The following LRP8 variants were observed in gnomAD, a reference collection of about 807,000 sequenced individuals.
LRP8 encodes low-density lipoprotein receptor-related protein 8.
LRP8 carries 46 observed loss-of-function variants against 111.6 expected under a neutral mutation model. The observed-to-expected ratio is 0.41, with a 90% CI of 0.33 to 0.53. The LOEUF (loss-of-function observed/expected upper bound fraction) is 0.53. Among genes scored for constraint, LRP8 ranks in the 20% least tolerant of loss-of-function variants. The pLI is 0.20. For missense variants in LRP8, 959 were observed against 1,297.4 expected, an observed-to-expected ratio of 0.74 and a Z score of 4.01; for synonymous variants, 464 against 511.2, an observed-to-expected ratio of 0.91 and a Z score of 1.24.
rs1352066284 is a variant in LRP8 at position 53,262,094 on chromosome 1, G to A, written c.1888C>T (p.His630Tyr). 6 of 1,614,214 alleles carry A rather than the reference G, an allele frequency of 3.7e-6. No homozygotes were observed. Among genetic ancestry groups the A allele is most frequent in the Non-Finnish European group, 5.1e-6 (6 of 1,180,032 alleles). ...TLISSTDFLS[H>Y]PFGIAVFEDK... ...TCAAACACAGCTATCCCAAAAGGGT[G>A]GCTCAGGAAGTCAGTGGAGGAGATC... The change falls in exon 12 of 19, where the codon CAC becomes TAC. Residue 630 changes from histidine (H) to tyrosine (Y), a missense_variant. Physicochemically the swap from His to Tyr is moderately conservative, Grantham distance 83. Around this residue, in one of 3 missense-constraint regions of LRP8, gnomAD observed 819 missense variants for 1,097.6 expected, o/e 0.75. Coordinates refer to ENST00000306052, the MANE Select transcript of LRP8 (RefSeq NM_004631.5). The surrounding 1 kb of genome is among the most constrained non-coding windows in gnomAD (Gnocchi z 4.8).
chr1:53,287,860 G>A (rs917773905), intron 3 of LRP8, among the ~76,000 whole-genome samples: 4 of 152,080 alleles, frequency 2.6e-5, no homozygotes, highest in Non-Finnish European at 1.5e-5. Flanking sequence ...ATGGTGAGAG[G>A]GAGGGTGAGG....
At chr1:53,315,527 G>A (rs1402049036) in intron 2 of LRP8, among the ~76,000 whole-genome samples, 1 of 152,168 alleles carries the variant, frequency 6.6e-6, no homozygotes, top group Non-Finnish European at 1.5e-5. Flanking sequence ...ATTTGCTTAG[G>A]GCCCCACATC....
rs755187376 is a variant in LRP8 at position 53,326,959 on chromosome 1, T to G, written c.158A>C (p.Gln53Pro). The stretch of plus-strand genomic sequence containing the variant: ...GGGGATGCAGCGCTCGTTCCGGCAC[T>G]GGAATTGGTCCTTTTCGCAATCCTT... ...PAKDCEKDQF[Q>P]CRNERCIPSV... The change falls in exon 2 of 19, where the codon CAG becomes CCG. Residue 53 changes from glutamine (Q) to proline (P), a missense_variant. By Grantham distance (76) the Gln-to-Pro change is moderately conservative (BLOSUM62 -1). Coordinates refer to ENST00000306052, the MANE Select transcript of LRP8 (RefSeq NM_004631.5). 3 of 1,613,668 alleles carry G rather than the reference T, an allele frequency of 1.9e-6. No individual in the cohort carries two copies. Among genetic ancestry groups the G allele is most frequent in the Non-Finnish European group, 2.5e-6 (3 of 1,179,972 alleles).
At chr1:53,285,034 G>A (rs1647343790) in intron 3 of LRP8, among the ~76,000 whole-genome samples, 1 of 152,188 alleles carries the variant, frequency 6.6e-6, no homozygotes, top group African/African-American at 2.4e-5. Flanking sequence ...CCCAGGTCAG[G>A]CCTCTCTACT....
intron 8 of LRP8, among the ~76,000 whole-genome samples, chr1:53,269,500 A>G (rs1402066588): frequency 6.6e-6 from 1 of 151,528 alleles, no homozygotes; most frequent in Non-Finnish European, 1.5e-5. Context: ...TTTTTTTTAG[A>G]TATAGGGTCT....
intron 3 of LRP8, among the ~76,000 whole-genome samples, chr1:53,287,864 G>A (rs1275786580): frequency 6.6e-6 from 1 of 152,020 alleles, no homozygotes; most frequent in Non-Finnish European, 1.5e-5. Flanking sequence ...TGAGAGGGAG[G>A]GTGAGGATAG....
At chr1:53,265,027 G>A (rs1646498507) in intron 9 of LRP8, among the ~76,000 whole-genome samples, 1 of 152,194 alleles carries the variant, frequency 6.6e-6, no homozygotes, top group African/African-American at 2.4e-5. Context: ...CATCTATGGA[G>A]TGGATGGGTT....
At position 53,303,887 on chromosome 1, in the gene LRP8, G is replaced by A. The variant is rs1353488768; in HGVS notation, c.245-14198C>T. On this transcript the variant is annotated intron_variant, in intron 2 of 18. Transcript: ENST00000306052. This position sits in a 1 kb window ranked among gnomAD's most constrained non-coding sequence, Gnocchi z 4.3. ...CTGAACACGTTCCTTCCTCTTGAAC[G>A]GGGAGGGAAATAAGCTCTCAACAGG... Among the ~76,000 whole-genome samples, 1 of 152,178 alleles carries A rather than the reference G, an allele frequency of 6.6e-6. No homozygotes were observed. The highest frequency in any genetic ancestry group is 1.5e-5 in the Non-Finnish European group (1 of 68,038).
intron 15 of LRP8, among the ~76,000 whole-genome samples, chr1:53,256,549 G>A (rs1167876485): frequency 1.3e-5 from 2 of 152,314 alleles, no homozygotes; most frequent in East Asian, 3.9e-4. Flanking sequence ...ATGTTGCCAA[G>A]CAGCTTGGTT....
chr1:53,258,384 G>A lies in LRP8; in HGVS notation c.2144C>T (p.Pro715Leu). The change falls in exon 14 of 19, where the codon CCC (proline) becomes CTC (leucine). Residue 715 changes from proline to leucine, a missense_variant. Pro to Leu is a moderately conservative substitution (Grantham distance 98). Around this residue, in one of 3 missense-constraint regions of LRP8, gnomAD observed 819 missense variants for 1,097.6 expected, o/e 0.75. Transcript: ENST00000306052. ...GTCAGGACAGGCACATGTGTACTTG[G>A]GAGAGTGGCTGGAGATCTGAGGAGC... ...LPAPQISSHS[P>L]KYTCACPDTM... The A allele has an allele frequency of 6.2e-7, 1 of 1,614,140 alleles. No individual in the cohort carries two copies. The highest frequency in any genetic ancestry group is 2.2e-5 in the East Asian group (1 of 44,878).
At chr1:53,318,178 C>G (rs1023845980) in intron 2 of LRP8, among the ~76,000 whole-genome samples, 1 of 151,780 alleles carries the variant, frequency 6.6e-6, no homozygotes, top group African/African-American at 2.4e-5. Flanking sequence ...TAGAACGCTG[C>G]GGAGGAGATG....
intron 4 of LRP8, among the ~76,000 whole-genome samples, chr1:53,278,807 C>T (rs921401420): frequency 2.7e-5 from 4 of 148,610 alleles, no homozygotes; most frequent in Non-Finnish European, 5.9e-5. Context: ...CTCGCTCTGT[C>T]GCCCAGGCTG....
chr1:53,321,139 T>C (rs1654457258), intron 2 of LRP8, among the ~76,000 whole-genome samples: 1 of 152,240 alleles, frequency 6.6e-6, no homozygotes, highest in South Asian at 2.1e-4. Flanking sequence ...GAATTCCTAC[T>C]GCCCAGCACA....
chr1:53,274,806 C>A (rs1040551663), intron 6 of LRP8: 4 of 456,212 alleles, frequency 8.8e-6, no homozygotes, highest in Admixed American at 4.7e-5. Context: ...CTGCGGGGAC[C>A]CTCACAGGGT....
intron 2 of LRP8, among the ~76,000 whole-genome samples, chr1:53,323,818 T>C (rs1262939106): frequency 2.0e-5 from 3 of 152,216 alleles, no homozygotes; most frequent in African/African-American, 4.8e-5. Context: ...TCCTCTATAA[T>C]ATAGGAACAA....
chr1:53,295,620 C>A (rs998233289), intron 2 of LRP8, among the ~76,000 whole-genome samples: 3 of 152,062 alleles, frequency 2.0e-5, no homozygotes, highest in Non-Finnish European at 4.4e-5. Flanking sequence ...GGGTAGGGGG[C>A]AGGACAGAGC....
At chr1:53,323,028 G>A (rs1246188550) in intron 2 of LRP8, among the ~76,000 whole-genome samples, 4 of 152,128 alleles carry the variant, frequency 2.6e-5, no homozygotes, top group Non-Finnish European at 5.9e-5. Context: ...GCACAAAACT[G>A]GTCCACCTGT....
chr1:53,258,419 C>T lies in LRP8; in HGVS notation c.2109G>A (p.Leu703=). 2 of 1,614,068 alleles carry T rather than the reference C, an allele frequency of 1.2e-6. No individual in the cohort carries two copies. The highest frequency in any genetic ancestry group is 1.7e-6 in the Non-Finnish European group (2 of 1,179,992). Residue 703 remains leucine (L), a synonymous_variant, in exon 14 of 19, where the codon CTG becomes CTA. Coordinates refer to ENST00000306052, the MANE Select transcript of LRP8 (RefSeq NM_004631.5). The part of the protein sequence containing the change: ...SVQPNGGCEY[L]CLPAPQISSH... ...TGGAGATCTGAGGAGCAGGAAGGCA[C>T]AGGTATTCACAGCCTCCATTAGGCT...
Position 53,249,490 on chromosome 1 carries a change from C to T in LRP8, c.2743G>A (p.Asp915Asn). The T allele has an allele frequency of 6.2e-7, 1 of 1,613,744 alleles. No homozygotes were observed. Among genetic ancestry groups the T allele is most frequent in the Non-Finnish European group, 8.5e-7 (1 of 1,179,624 alleles). ...AGCTCCTTGAGGGCAGGGGCTGGGT[C>T]TTCCGGTTCTCTGGTCTCCCCAAGA... Reference protein sequence around the residue: ...PCLGETREPEDPAPALKELFV... With the variant: ...PCLGETREPENPAPALKELFV... Residue 915 changes from aspartate to asparagine, a missense_variant, in exon 18 of 19, where the codon GAC becomes AAC. Physicochemically the swap from Asp to Asn is conservative, Grantham distance 23 (BLOSUM62 1). Around this residue, in one of 3 missense-constraint regions of LRP8, gnomAD observed 819 missense variants for 1,097.6 expected, o/e 0.75. Coordinates refer to ENST00000306052, the MANE Select transcript of LRP8 (RefSeq NM_004631.5). The surrounding 1 kb of genome is among the most constrained non-coding windows in gnomAD (Gnocchi z 4.1).
Sources: allele counts gnomAD v4.1 joint callset (sites outside exome capture counted in the v4.1 genomes callset), GRCh38; gene constraint gnomAD v4.1.1; regional missense constraint gnomAD v4.1.1; non-coding constraint Gnocchi (gnomAD v3.1); transcripts MANE v1.5; gene names NCBI Gene and HGNC (gene_info 2026-07-23, HGNC 2026-07-21).